The following RGS7 variants were observed in gnomAD, a reference collection of about 807,000 sequenced individuals.
RGS7 encodes the protein regulator of G protein signaling 7.
A neutral mutation model predicts 81.1 loss-of-function variants in RGS7; 27 were observed. The ratio of observed to expected loss-of-function variants is 0.33; its 90% CI spans 0.25 to 0.46. RGS7 has a LOEUF of 0.46. Among genes scored for constraint, RGS7 ranks in the 20% least tolerant of loss-of-function variants. The probability of loss-of-function intolerance (pLI) is 1.00; values close to 1 mark genes in which losing one functional copy is unlikely to be tolerated. For synonymous variants in RGS7, 208 were observed against 207.7 expected (o/e 1.00, Z -0.01); for missense variants, 396 against 607.4 (o/e 0.65, Z 3.66).
At chr1:241,264,865 C>T (rs1258824709) in intron 2 of RGS7, among the ~76,000 whole-genome samples, 3 of 152,190 alleles carry the variant, frequency 2.0e-5, no homozygotes, top group African/African-American at 7.2e-5. Flanking sequence ...AATGAAGCCT[C>T]AATATGATAT....
intron 3 of RGS7, among the ~76,000 whole-genome samples, chr1:240,995,708 C>CTTTTTT (rs71172669): frequency 3.6e-5 from 5 of 139,800 alleles, no homozygotes; most frequent in East Asian, 2.1e-4. Context: ...TGTGTCTTTT[C>CTTTTTT]TTTTTTTTTT....
chr1:241,146,002 G>GA (rs1232746396), intron 2 of RGS7, among the ~76,000 whole-genome samples: 1 of 152,014 alleles, frequency 6.6e-6, no homozygotes, highest in Non-Finnish European at 1.5e-5. Context: ...TCAAAGTTTG[G>GA]AAAAAATAAA....
intron 13 of RGS7, among the ~76,000 whole-genome samples, chr1:240,812,773 G>A (rs1391635452): frequency 1.3e-5 from 2 of 152,102 alleles, no homozygotes; most frequent in African/African-American, 4.8e-5. Context: ...GGTCATGCAG[G>A]TATATTGAAC....
At chr1:241,262,695 T>A (rs1273784559) in intron 2 of RGS7, among the ~76,000 whole-genome samples, 1 of 152,170 alleles carries the variant, frequency 6.6e-6, no homozygotes, top group African/African-American at 2.4e-5. Flanking sequence ...ATTTCCCAAT[T>A]TCTAAACAGA....
intron 2 of RGS7, among the ~76,000 whole-genome samples, chr1:241,325,279 C>A (rs2081427674): frequency 6.6e-6 from 1 of 152,164 alleles, no homozygotes; most frequent in South Asian, 2.1e-4. Context: ...GGCACTGAAA[C>A]CCTTTTCAAT....
chr1:241,347,147 CT>C (rs1349408071), intron 2 of RGS7, among the ~76,000 whole-genome samples: 9 of 152,150 alleles, frequency 5.9e-5, no homozygotes, highest in Non-Finnish European at 1.0e-4. Context: ...TTGTATTGTT[CT>C]TGACATCTTC....
At chr1:241,196,833 T>C (rs1398639338) in intron 2 of RGS7, among the ~76,000 whole-genome samples, 1 of 151,946 alleles carries the variant, frequency 6.6e-6, no homozygotes, top group Non-Finnish European at 1.5e-5. Flanking sequence ...TTGGTGTTGG[T>C]AAAAATAGTA....
At chr1:241,192,578 A>T (rs994090627) in intron 2 of RGS7, among the ~76,000 whole-genome samples, 2 of 152,168 alleles carry the variant, frequency 1.3e-5, no homozygotes, top group African/African-American at 4.8e-5. Flanking sequence ...GGTCAAGATG[A>T]ATTTCTGGTA....
intron 2 of RGS7, among the ~76,000 whole-genome samples, chr1:241,108,744 A>C (rs1057351676): frequency 3.3e-5 from 5 of 152,104 alleles, no homozygotes; most frequent in Non-Finnish European, 7.4e-5. Flanking sequence ...GGAAAGGAGG[A>C]GGCAGAGCAC....
intron 9 of RGS7, among the ~76,000 whole-genome samples, chr1:240,866,435 C>G (rs567101641): frequency 2.0e-5 from 3 of 151,096 alleles, no homozygotes; most frequent in Non-Finnish European, 4.4e-5. Flanking sequence ...GGCCTGAACC[C>G]GGGAGGCGGA....
At chr1:240,922,016 C>T (rs916481616) in intron 6 of RGS7, among the ~76,000 whole-genome samples, 5 of 151,618 alleles carry the variant, frequency 3.3e-5, no homozygotes, top group Admixed American at 6.6e-5. Context: ...CTATAGTAAT[C>T]GAGGCAGTGT....
chr1:240,866,537 G>C (rs924417853), intron 9 of RGS7, among the ~76,000 whole-genome samples: 1 of 151,590 alleles, frequency 6.6e-6, no homozygotes, highest in Non-Finnish European at 1.5e-5. Context: ...AGTTCAACAA[G>C]GGAGATGGAG....
At chr1:240,997,500 C>T (rs1166702842) in intron 3 of RGS7, among the ~76,000 whole-genome samples, 2 of 152,082 alleles carry the variant, frequency 1.3e-5, no homozygotes, top group Non-Finnish European at 2.9e-5. Flanking sequence ...GACGTTGTTA[C>T]ATTTTTTTCT....
chr1:240,792,238 G>A (rs1686126916), intron 18 of RGS7, among the ~76,000 whole-genome samples: 1 of 152,126 alleles, frequency 6.6e-6, no homozygotes, highest in African/African-American at 2.4e-5. Flanking sequence ...GTTCAAAAAT[G>A]TTCTAAAAAG....
At chr1:241,354,425 A>G (rs2083434778) in intron 2 of RGS7, among the ~76,000 whole-genome samples, 1 of 152,208 alleles carries the variant, frequency 6.6e-6, no homozygotes, top group African/African-American at 2.4e-5. Flanking sequence ...ATACTGTTTT[A>G]TCTCAGACAC....
chr1:241,346,921 T>C (rs551491889), intron 2 of RGS7, among the ~76,000 whole-genome samples: 10 of 152,286 alleles, frequency 6.6e-5, no homozygotes, highest in African/African-American at 2.4e-4. Context: ...AGAAAAAACA[T>C]TGTAATAATA....
chr1:241,234,130 A>C (rs371624030), intron 2 of RGS7, among the ~76,000 whole-genome samples: 1 of 152,204 alleles, frequency 6.6e-6, no homozygotes, highest in East Asian at 1.9e-4. Flanking sequence ...GCTACGCTGC[A>C]TACACTGGGG....
At chr1:240,827,882 A>C (rs913901298) in intron 9 of RGS7, among the ~76,000 whole-genome samples, 48 of 149,948 alleles carry the variant, frequency 3.2e-4, no homozygotes, top group Admixed American at 5.3e-4. Context: ...AAAAAAAAAA[A>C]AAAAAACAGG....
At chr1:240,848,523 T>C (rs957342328) in intron 9 of RGS7, among the ~76,000 whole-genome samples, 1 of 152,200 alleles carries the variant, frequency 6.6e-6, no homozygotes, top group Non-Finnish European at 1.5e-5. Flanking sequence ...TTTCAGAATT[T>C]GAAAATGATA....
Sources: gnomAD v4.1 joint callset for allele counts (sites outside exome capture counted in the v4.1 genomes callset) on GRCh38, gnomAD v4.1.1 for gene constraint, MANE v1.5 for transcripts, NCBI Gene and HGNC (gene_info 2026-07-23, HGNC 2026-07-21) for gene names.